Variants in RIC8B observed in about 807,000 individuals in gnomAD.
RIC8B encodes chaperone Ric-8B.
In RIC8B, 16 loss-of-function variants were observed where a neutral mutation model predicts 57.5. That is an observed-to-expected ratio of 0.28 (90% confidence interval 0.19 to 0.42). The LOEUF is 0.42. RIC8B is among the 10% of genes least tolerant of loss of function. The pLI, the probability that RIC8B is intolerant of heterozygous loss-of-function variation, is 1.00. For missense variants in RIC8B, 481 were observed against 677.0 expected, an observed-to-expected ratio of 0.71 and a Z score of 3.21; for synonymous variants, 216 against 250.8, an observed-to-expected ratio of 0.86 and a Z score of 1.31.
At chr12:106,819,719 G>C (rs1166762142) in intron 3 of RIC8B, among the ~76,000 whole-genome samples, 1 of 147,556 alleles carries the variant, frequency 6.8e-6, no homozygotes, top group African/African-American at 2.5e-5. Flanking sequence ...ATTCCCGCCT[G>C]GGTAACAGCG....
chr12:106,852,218 A>G (rs1280664083), intron 7 of RIC8B, among the ~76,000 whole-genome samples: 2 of 152,246 alleles, frequency 1.3e-5, no homozygotes, highest in Non-Finnish European at 2.9e-5. Flanking sequence ...ATTTTCTAAA[A>G]TTATATGGAT....
chr12:106,836,872 A>G (rs745660038), intron 4 of RIC8B, among the ~76,000 whole-genome samples: 2 of 151,816 alleles, frequency 1.3e-5, no homozygotes, highest in Admixed American at 6.6e-5. Flanking sequence ...GTCATATCCT[A>G]CTCCTCTTAT....
In RIC8B at chr12:106,851,315, CTTTTTTTTTTTT is replaced by C. The variant is rs34606963; in HGVS notation, c.1162-125_1162-114del. On this transcript the variant is annotated intron_variant, in intron 6 of 9. Transcript: ENST00000392837. Reference sequence around the variant, plus strand: ...TGTTTAGTTTTACTTGGAAGCTAACCTTTTTTTTTTTTTTTTTTTTTGCTCCTACAATACAAA... The same window carrying C: ...TGTTTAGTTTTACTTGGAAGCTAACCTTTTTTTTTGCTCCTACAATACAAA... 21 of 212,016 alleles carry C rather than the reference CTTTTTTTTTTTT, an allele frequency of 9.9e-5. No homozygotes were observed. The East Asian group carries it at 1.1e-3, about 11-fold the overall frequency. The allele number at this position is 212,016 out of a possible 1,614,324, so 13.1% of individuals were successfully genotyped here. A position where few individuals can be genotyped will look rare whatever the true frequency, so the allele number is the denominator to read the frequency against.
At chr12:106,796,503 A>G (rs1366073847) in intron 2 of RIC8B, among the ~76,000 whole-genome samples, 2 of 152,226 alleles carry the variant, frequency 1.3e-5, no homozygotes, top group African/African-American at 4.8e-5. Context: ...ATGTAAAAGA[A>G]TGCAGCTGGA....
chr12:106,840,954 A>G lies in RIC8B; in HGVS notation c.837-1635A>G, dbSNP rs202014646. ...CAGTTTTTGAAAATAATTCTAAGGTAGAGTTATTTCCCCCCTTTTATTCTC... is the reference window on the plus strand; with the variant it reads ...CAGTTTTTGAAAATAATTCTAAGGTGGAGTTATTTCCCCCCTTTTATTCTC... On this transcript the variant is annotated intron_variant, in intron 4 of 9. Transcript: ENST00000392837. Among the ~76,000 whole-genome samples, 3 of 152,318 alleles carry G rather than the reference A, an allele frequency of 2.0e-5. No individual in the cohort carries two copies. In the East Asian group the frequency reaches 5.8e-4, roughly 29 times the overall value.
intron 1 of RIC8B, chr12:106,775,364 A>G: frequency 2.2e-6 from 1 of 456,094 alleles, no homozygotes; most frequent in Non-Finnish European, 4.4e-6. Context: ...CCCATTTTAT[A>G]GATGAGGAAA....
chr12:106,833,606 A>G (rs531727320), intron 4 of RIC8B, among the ~76,000 whole-genome samples: 1 of 152,266 alleles, frequency 6.6e-6, no homozygotes, highest in African/African-American at 2.4e-5. Context: ...GTCTCAAAAA[A>G]AGAAAAAAAA....
rs535493854 is a variant in RIC8B at position 106,828,160 on chromosome 12, C to T, written c.836+2340C>T. Among the ~76,000 whole-genome samples, 108 of 152,244 alleles carry T rather than the reference C, an allele frequency of 7.1e-4. No homozygotes were observed. In the South Asian group the frequency reaches 7.5e-3, roughly 11 times the overall value. The stretch of plus-strand genomic sequence containing the variant: ...TATCGGCTTCACTGTAAATAAGGAG[C>T]ATGCCTAGAGCCACAGACAGGATTT... On this transcript the variant is annotated intron_variant, in intron 4 of 9. Coordinates refer to ENST00000392837, the MANE Select transcript of RIC8B (RefSeq NM_001330145.2).
chr12:106,823,785 A>G (rs894868630), intron 3 of RIC8B, among the ~76,000 whole-genome samples: 9 of 151,954 alleles, frequency 5.9e-5, no homozygotes, highest in Non-Finnish European at 1.0e-4. Context: ...CCTGGGTTCA[A>G]GCAATTCTCC....
chr12:106,855,026 G>C (rs1404604770), intron 7 of RIC8B, among the ~76,000 whole-genome samples: 1 of 152,182 alleles, frequency 6.6e-6, no homozygotes, highest in Non-Finnish European at 1.5e-5. Context: ...CCTAAAAATA[G>C]GCCTTACATT....
chr12:106,799,148 TA>T (rs1440046552), intron 2 of RIC8B, among the ~76,000 whole-genome samples: 1 of 152,222 alleles, frequency 6.6e-6, no homozygotes, highest in African/African-American at 2.4e-5. Flanking sequence ...ACTGCAGTGT[TA>T]TTTTTTATAA....
chr12:106,783,880 G>T, intron 1 of RIC8B, 117 bp from the exon 2 acceptor site: 1 of 788,316 alleles, frequency 1.3e-6, no homozygotes, highest in Non-Finnish European at 2.1e-6. Flanking sequence ...TAAGAATATT[G>T]AGATACGGGA....
At chr12:106,848,477 A>C (rs1949307443) in intron 6 of RIC8B, among the ~76,000 whole-genome samples, 1 of 152,170 alleles carries the variant, frequency 6.6e-6, no homozygotes, top group Admixed American at 6.5e-5. Flanking sequence ...AATGAATTAG[A>C]GAGTGACCAG....
chr12:106,786,772 T>C (rs906063222), intron 2 of RIC8B, among the ~76,000 whole-genome samples: 8 of 151,990 alleles, frequency 5.3e-5, no homozygotes, highest in African/African-American at 1.9e-4. Flanking sequence ...AGAGATTTGC[T>C]GTATGTGCTA....
At chr12:106,787,044 G>GTTATA (rs1181133589) in intron 2 of RIC8B, among the ~76,000 whole-genome samples, 2 of 152,154 alleles carry the variant, frequency 1.3e-5, no homozygotes, top group Non-Finnish European at 2.9e-5. Context: ...TTCTTTCACA[G>GTTATA]TTATTAATAA....
rs534061024 is a variant in RIC8B, at chr12:106,818,231, A to G, written c.741+2927A>G. On this transcript the variant is annotated intron_variant, in intron 3 of 9. Transcript: ENST00000392837. ...GCCCAGGCTGGAATGCAGTGGCGCA[A>G]TCTTAGCTCACTGCAACCTCTGGCT... Among the ~76,000 whole-genome samples, 634 of 152,094 alleles carry G rather than the reference A, an allele frequency of 4.2e-3. 1 individual carries two copies. The highest frequency in any genetic ancestry group is 0.014 in the African/African-American group (580 of 41,478).
chr12:106,863,171 T>A (rs544175748), intron 8 of RIC8B, among the ~76,000 whole-genome samples: 1 of 152,240 alleles, frequency 6.6e-6, no homozygotes, highest in South Asian at 2.1e-4. Context: ...GACATTTGGC[T>A]CCTTTTAGAT....
chr12:106,865,726 G>C (rs1383441951), intron 8 of RIC8B, among the ~76,000 whole-genome samples: 1 of 151,978 alleles, frequency 6.6e-6, no homozygotes, highest in Non-Finnish European at 1.5e-5. Context: ...TCTTCATTTT[G>C]TTCTCAAAAC....
At chr12:106,868,848 CTTTTTTTTTT>C (rs572218268) in intron 8 of RIC8B, among the ~76,000 whole-genome samples, 2 of 85,538 alleles carry the variant, frequency 2.3e-5, no homozygotes, top group Admixed American at 1.2e-4. Flanking sequence ...GAGGCCCAAG[CTTTTTTTTTT>C]TTTTTTTTTT....
Sources: gnomAD v4.1 joint callset for allele counts (sites outside exome capture counted in the v4.1 genomes callset) on GRCh38, gnomAD v4.1.1 for gene constraint, MANE v1.5 for transcripts, NCBI Gene and HGNC (gene_info 2026-07-23, HGNC 2026-07-21) for gene names.